The following CRPPA variants were observed in gnomAD, a reference collection of about 807,000 sequenced individuals.
The protein encoded by CRPPA is CDP-L-ribitol pyrophosphorylase A, also known as D-ribitol-5-phosphate cytidylyltransferase.
Under a neutral mutation model 52.0 loss-of-function variants are expected in CRPPA, and 43 were observed. The observed-to-expected ratio is 0.83, with a 90% CI of 0.65 to 1.07. CRPPA has a LOEUF of 1.07. CRPPA is among the 50% of genes least tolerant of loss of function. The pLI is 0.00. For missense variants in CRPPA, 629 were observed against 551.7 expected (o/e 1.14, Z -1.40); for synonymous variants, 250 against 203.5 (o/e 1.23, Z -1.94).
chr7:16,173,535 T>C (rs1259764961), intron 9 of CRPPA, among the ~76,000 whole-genome samples: 1 of 152,146 alleles, frequency 6.6e-6, no homozygotes, highest in African/African-American at 2.4e-5. Context: ...GTGGACCACT[T>C]AGAAAAACTA....
chr7:16,397,901 T>C (rs1037480658), intron 2 of CRPPA, among the ~76,000 whole-genome samples: 3 of 152,140 alleles, frequency 2.0e-5, no homozygotes, highest in Non-Finnish European at 4.4e-5. Context: ...GACCAAAGCA[T>C]GTTTGACGTG....
intron 9 of CRPPA, among the ~76,000 whole-genome samples, chr7:16,097,911 A>G (rs527938904): frequency 3.6e-4 from 55 of 152,360 alleles, no homozygotes; most frequent in African/African-American, 1.3e-3. Context: ...ATAAGTGGTC[A>G]ACTTTATATG....
rs533787672 is a variant in CRPPA at position 16,417,657 on chromosome 7, G to C, written c.257+3409C>G. Reference sequence around the variant, plus strand: ...CTAGAGGGAGGAGGGAGGGGGCAAAGGTTGAAAAACTATTCAGTACTACAC... The same window carrying C: ...CTAGAGGGAGGAGGGAGGGGGCAAACGTTGAAAAACTATTCAGTACTACAC... On this transcript the variant is annotated intron_variant, in intron 1 of 9. Transcript: ENST00000407010. Among the ~76,000 whole-genome samples, 638 of 152,208 alleles carry C rather than the reference G, an allele frequency of 4.2e-3. 3 individuals carry two copies. Among genetic ancestry groups the C allele is most frequent in the Admixed American group, 7.2e-3 (110 of 15,302 alleles).
At chr7:16,288,898 C>CA (rs1315762933) in intron 5 of CRPPA, among the ~76,000 whole-genome samples, 2 of 115,578 alleles carry the variant, frequency 1.7e-5, no homozygotes, top group African/African-American at 3.3e-5. Context: ...AAAAACAAAC[C>CA]AAAAAATACA....
At chr7:16,399,661 C>T (rs959174865) in intron 2 of CRPPA, among the ~76,000 whole-genome samples, 8 of 152,020 alleles carry the variant, frequency 5.3e-5, no homozygotes, top group African/African-American at 1.9e-4. Flanking sequence ...CAACGTGTGA[C>T]ACGTGGCCGA....
chr7:16,308,080 C>G (rs572165531), intron 4 of CRPPA, among the ~76,000 whole-genome samples: 145 of 152,064 alleles, frequency 9.5e-4, no homozygotes, highest in Non-Finnish European at 1.8e-3. Flanking sequence ...TGAGTGAGGT[C>G]TCGAAGTGTC....
chr7:16,322,693 T>C (rs970170202), intron 3 of CRPPA, among the ~76,000 whole-genome samples: 2 of 152,166 alleles, frequency 1.3e-5, no homozygotes, highest in African/African-American at 4.8e-5. Context: ...ATTTGCTTCC[T>C]ATTCTTACCC....
intron 9 of CRPPA, among the ~76,000 whole-genome samples, chr7:16,201,552 T>C (rs771335389): frequency 1.6e-4 from 24 of 152,120 alleles, no homozygotes; most frequent in Non-Finnish European, 2.6e-4. Context: ...GTCGAGAGCT[T>C]TTCTTTCACT....
intron 8 of CRPPA, among the ~76,000 whole-genome samples, chr7:16,256,239 C>G (rs995700752): frequency 1.3e-5 from 2 of 152,180 alleles, no homozygotes; most frequent in Non-Finnish European, 2.9e-5. Flanking sequence ...GAGATACCAT[C>G]TCACACCAGT....
chr7:16,105,725 G>C (rs1158146329), intron 9 of CRPPA, among the ~76,000 whole-genome samples: 1 of 152,000 alleles, frequency 6.6e-6, no homozygotes, highest in African/African-American at 2.4e-5. Flanking sequence ...TTGAGTCCTA[G>C]ACATCGTAAG....
rs1176207398 is a variant in CRPPA at position 16,265,354 on chromosome 7, A to G, written c.934-6342T>C. ...GACATTGCACTGCTATTGGATCCCT[A>G]TCTCTTATCACACAAGGAAAAGGAC... is the stretch of plus-strand genomic sequence containing the variant. On this transcript the variant is annotated intron_variant, in intron 6 of 9. Coordinates refer to ENST00000407010, the MANE Select transcript of CRPPA (RefSeq NM_001101426.4). Among the ~76,000 whole-genome samples, 46 of 152,202 alleles carry G rather than the reference A, an allele frequency of 3.0e-4. 2 individuals carry two copies. Among genetic ancestry groups the G allele is most frequent in the Admixed American group, 3.0e-3 (46 of 15,280 alleles).
At position 16,278,195 on chromosome 7, in the gene CRPPA, C is replaced by T; in HGVS notation, c.867G>A (p.Met289Ile). Residue 289 changes from methionine (M) to isoleucine (I), a missense_variant, in exon 6 of 10, where the codon ATG (methionine) becomes ATA (isoleucine). Transcript: ENST00000407010. ...ERISQEICVV[M>I]DTEEDNKHVG... ...CATGTTTGTTATCTTCTTCTGTATC[C>T]ATAACTACACAAATCTCTTGGGAAA... The T allele has an allele frequency of 1.3e-6, 2 of 1,573,094 alleles. No individual in the cohort carries two copies. The highest frequency in any genetic ancestry group is 1.7e-6 in the Non-Finnish European group (2 of 1,154,406).
intron 2 of CRPPA, among the ~76,000 whole-genome samples, chr7:16,388,201 C>A (rs1473505331): frequency 6.6e-6 from 1 of 152,020 alleles, no homozygotes; most frequent in South Asian, 2.1e-4. Context: ...GTCTCAAACT[C>A]CTGGGTTCAA....
chr7:16,177,052 G>T (rs552937153), intron 9 of CRPPA, among the ~76,000 whole-genome samples: 2 of 152,104 alleles, frequency 1.3e-5, no homozygotes. Flanking sequence ...ACTCAACTCA[G>T]TAAGTTACAC....
intron 4 of CRPPA, 134 bp from the exon 5 acceptor site, chr7:16,301,600 A>G (rs1784790500): frequency 5.4e-6 from 3 of 558,208 alleles, no homozygotes; most frequent in Non-Finnish European, 9.8e-6. Flanking sequence ...CTCAATTAGA[A>G]AAGCATCAGC....
At chr7:16,397,924 G>A (rs1265029120) in intron 2 of CRPPA, among the ~76,000 whole-genome samples, 1 of 152,174 alleles carries the variant, frequency 6.6e-6, no homozygotes, top group Admixed American at 6.5e-5. Context: ...CAACACAACT[G>A]GCAGGTGATT....
rs1247151309 is a variant in CRPPA, at chr7:16,088,070, A to G, written c.*3625T>C. The stretch of plus-strand genomic sequence containing the variant: ...ATATAGGGAGCTGACTCTTACCTGT[A>G]AATGAGTATACTTGCAACAAGTCAT... On this transcript the variant is annotated 3_prime_UTR_variant, in exon 10 of 10. Coordinates refer to ENST00000407010, the MANE Select transcript of CRPPA (RefSeq NM_001101426.4). 6.6e-6 allele frequency: 1 copy of G among 152,174 alleles called. No homozygotes were observed. Among genetic ancestry groups the G allele is most frequent in the Non-Finnish European group, 1.5e-5 (1 of 68,032 alleles). The allele number at this position is 152,174 out of a possible 1,614,324, so 9.4% of individuals were successfully genotyped here. A position where few individuals can be genotyped will look rare whatever the true frequency, so the allele number is the denominator to read the frequency against.
rs2128417747 is a variant in CRPPA at position 16,278,221 on chromosome 7, TTC to T, written c.839_840del (p.Arg280AsnfsTer15). 1.3e-6 allele frequency: 2 copies of T among 1,529,042 alleles called. No individual in the cohort carries two copies. Among genetic ancestry groups the T allele is most frequent in the Non-Finnish European group, 1.8e-6 (2 of 1,124,392 alleles). The allele number at this position is 1,529,042 out of a possible 1,614,324, so 94.7% of individuals were successfully genotyped here. ...LYAAESIIKE[R>X]ISQEICVVMD... ...ATAACTACACAAATCTCTTGGGAAA[TTC>T]TCTCTGAAATTAAAAAAAAAAAGTT... On this transcript the variant is annotated frameshift_variant, in exon 6 of 10. Transcript: ENST00000407010. LOFTEE classifies it high-confidence loss of function.
Position 16,364,460 on chromosome 7 carries a change from A to G in CRPPA, c.684+11632T>C, listed in dbSNP as rs986028280. Among the ~76,000 whole-genome samples, 6 of 152,196 alleles carry G rather than the reference A, an allele frequency of 3.9e-5. No homozygotes were observed. The East Asian group carries it at 1.2e-3, about 29-fold the overall frequency. Reference sequence around the variant, plus strand: ...TGAAGAACTCTCCATTCCATTTTCTATGAGTCCTGATTGAGAAGGAAATCC... The same window carrying G: ...TGAAGAACTCTCCATTCCATTTTCTGTGAGTCCTGATTGAGAAGGAAATCC... On this transcript the variant is annotated intron_variant, in intron 3 of 9. Transcript: ENST00000407010.
Sources: allele counts gnomAD v4.1 joint callset (sites outside exome capture counted in the v4.1 genomes callset), GRCh38; gene constraint gnomAD v4.1.1; transcripts MANE v1.5; gene names NCBI Gene and HGNC (gene_info 2026-07-23, HGNC 2026-07-21).